Variants in GUCY1A2 observed in about 807,000 individuals in gnomAD.
The protein encoded by GUCY1A2 is guanylate cyclase 1 soluble subunit alpha 2.
A neutral mutation model predicts 63.5 loss-of-function variants in GUCY1A2; 27 were observed. The observed-to-expected ratio is 0.43, with a 90% confidence interval of 0.31 to 0.59. The LOEUF (loss-of-function observed/expected upper bound fraction) is 0.59. Ranked by LOEUF, GUCY1A2 falls within the 20% of genes least tolerant of loss-of-function variation. The pLI is 0.11. For missense variants in GUCY1A2, 768 were observed against 913.3 expected (o/e 0.84, Z 2.05); for synonymous variants, 364 against 343.5 (o/e 1.06, Z -0.66).
At chr11:107,007,494 G>A (rs2120198795) in intron 1 of GUCY1A2, among the ~76,000 whole-genome samples, 1 of 152,264 alleles carries the variant, frequency 6.6e-6, no homozygotes, top group South Asian at 2.1e-4. Flanking sequence ...AACACCTCAA[G>A]CTCAATCTGA....
intron 7 of GUCY1A2, among the ~76,000 whole-genome samples, chr11:106,701,349 A>G (rs560665435): frequency 1.3e-5 from 2 of 152,092 alleles, no homozygotes; most frequent in Non-Finnish European, 2.9e-5. Flanking sequence ...CTCCAAATAA[A>G]CACGTTAGAA....
chr11:107,004,738 G>A (rs766669820), intron 1 of GUCY1A2, among the ~76,000 whole-genome samples: 6 of 152,168 alleles, frequency 3.9e-5, no homozygotes, highest in Non-Finnish European at 7.3e-5. Flanking sequence ...TGGTGTAGGA[G>A]GACTACTGTC....
chr11:106,844,070 T>C (rs1859238780), intron 4 of GUCY1A2, among the ~76,000 whole-genome samples: 1 of 151,958 alleles, frequency 6.6e-6, no homozygotes, highest in South Asian at 2.1e-4. Context: ...TTATACAGAG[T>C]TCCAAGGCCA....
intron 4 of GUCY1A2, among the ~76,000 whole-genome samples, chr11:106,864,843 T>C (rs769780228): frequency 2.0e-5 from 3 of 152,134 alleles, no homozygotes; most frequent in Non-Finnish European, 4.4e-5. Flanking sequence ...GATTTTCACA[T>C]CAATGTTCAT....
chr11:106,684,178 T>G lies in GUCY1A2; in HGVS notation c.*3371A>C. 1 of 184,450 alleles carries G rather than the reference T, an allele frequency of 5.4e-6. No individual in the cohort carries two copies. The highest frequency in any genetic ancestry group is 8.8e-5 in the East Asian group (1 of 11,380). 11.4% of individuals were successfully genotyped at this position (184,450 alleles called of 1,614,324 possible). A position where few individuals can be genotyped will look rare whatever the true frequency, so the allele number is the denominator to read the frequency against. On this transcript the variant is annotated 3_prime_UTR_variant, in exon 8 of 8. Transcript: ENST00000526355. ...GTGCAAGACTGTAAGAAACAACATT[T>G]GAAGTGCTGAACCTACAGACCCACT...
intron 4 of GUCY1A2, among the ~76,000 whole-genome samples, chr11:106,892,818 C>T (rs537477680): frequency 6.6e-6 from 1 of 152,146 alleles, no homozygotes. Context: ...TTGCAAGAAA[C>T]TTGTATTCAG....
chr11:106,722,735 G>C (rs750223857), intron 6 of GUCY1A2, among the ~76,000 whole-genome samples: 1 of 152,014 alleles, frequency 6.6e-6, no homozygotes, highest in African/African-American at 2.4e-5. Flanking sequence ...TTCAGAAAGA[G>C]CACCTGCTAA....
At chr11:106,740,684 A>ATGTATGTATGTC in intron 6 of GUCY1A2, among the ~76,000 whole-genome samples, 1 of 140,936 alleles carries the variant, frequency 7.1e-6, no homozygotes, top group South Asian at 2.2e-4. Flanking sequence ...GTATGTATGT[A>ATGTATGTATGTC]TGTATTTAGA....
At chr11:106,978,284 G>A (rs1346321895) in intron 3 of GUCY1A2, among the ~76,000 whole-genome samples, 1 of 151,968 alleles carries the variant, frequency 6.6e-6, no homozygotes, top group Non-Finnish European at 1.5e-5. Flanking sequence ...GTATGACTGA[G>A]AGGAAAAAAA....
intron 3 of GUCY1A2, among the ~76,000 whole-genome samples, chr11:106,958,477 A>G (rs931238857): frequency 6.6e-6 from 1 of 152,214 alleles, no homozygotes; most frequent in African/African-American, 2.4e-5. Context: ...GATTTGAACA[A>G]ATCTCCTCTT....
At chr11:106,696,722 C>G (rs1862726321) in intron 7 of GUCY1A2, among the ~76,000 whole-genome samples, 1 of 151,974 alleles carries the variant, frequency 6.6e-6, no homozygotes, top group Non-Finnish European at 1.5e-5. Flanking sequence ...TACTTTTTTC[C>G]TTTTCTTTAA....
intron 7 of GUCY1A2, among the ~76,000 whole-genome samples, chr11:106,692,670 A>G (rs1246093960): frequency 6.6e-6 from 1 of 152,214 alleles, no homozygotes. Context: ...AGGGTCAGTG[A>G]GTTCAGCAGT....
intron 4 of GUCY1A2, among the ~76,000 whole-genome samples, chr11:106,875,287 A>G (rs1859734492): frequency 6.6e-6 from 1 of 152,118 alleles, no homozygotes. Flanking sequence ...CATGACAAAC[A>G]TGCCACAGAG....
At chr11:106,733,928 T>C (rs1565272813) in intron 6 of GUCY1A2, among the ~76,000 whole-genome samples, 1 of 152,066 alleles carries the variant, frequency 6.6e-6, no homozygotes, top group Non-Finnish European at 1.5e-5. Flanking sequence ...CATTCCTCTA[T>C]CTCCTAGAGA....
At chr11:106,708,220 A>G (rs981814411) in intron 7 of GUCY1A2, among the ~76,000 whole-genome samples, 1 of 152,144 alleles carries the variant, frequency 6.6e-6, no homozygotes, top group Admixed American at 6.6e-5. Flanking sequence ...CAGATCCTTA[A>G]GAACATTTGC....
intron 3 of GUCY1A2, among the ~76,000 whole-genome samples, chr11:106,968,647 G>A (rs1374231972): frequency 6.6e-6 from 1 of 151,678 alleles, no homozygotes; most frequent in Non-Finnish European, 1.5e-5. Flanking sequence ...TTCCATCAAT[G>A]AGTCATGTCT....
chr11:106,863,344 G>C (rs1414209988), intron 4 of GUCY1A2, among the ~76,000 whole-genome samples: 1 of 152,048 alleles, frequency 6.6e-6, no homozygotes, highest in Non-Finnish European at 1.5e-5. Flanking sequence ...TCCAGTTTCA[G>C]TTTTCTGCAT....
intron 4 of GUCY1A2, among the ~76,000 whole-genome samples, chr11:106,833,095 C>T (rs928098790): frequency 2.0e-5 from 3 of 152,012 alleles, no homozygotes; most frequent in African/African-American, 7.2e-5. Flanking sequence ...CAGCATAACT[C>T]TAATTTACAC....
intron 4 of GUCY1A2, among the ~76,000 whole-genome samples, chr11:106,858,493 A>C (rs1343270851): frequency 2.0e-5 from 3 of 152,068 alleles, no homozygotes; most frequent in Non-Finnish European, 4.4e-5. Context: ...TATAGATGAG[A>C]AAACTGAGAC....
Sources: gnomAD v4.1 joint callset for allele counts (sites outside exome capture counted in the v4.1 genomes callset) on GRCh38, gnomAD v4.1.1 for gene constraint, MANE v1.5 for transcripts, NCBI Gene and HGNC (gene_info 2026-07-23, HGNC 2026-07-21) for gene names.